The following RPS6KC1 variants were observed in gnomAD, a reference collection of about 807,000 sequenced individuals.
The protein encoded by RPS6KC1 is ribosomal protein S6 kinase C1.
Under a neutral mutation model 103.8 loss-of-function variants are expected in RPS6KC1, and 54 were observed. The observed-to-expected ratio is 0.52, with a 90% confidence interval of 0.42 to 0.65. The LOEUF (loss-of-function observed/expected upper bound fraction) is 0.65. Among genes scored for constraint, RPS6KC1 ranks in the 30% least tolerant of loss-of-function variants. The pLI is 0.00. For synonymous variants in RPS6KC1, 439 were observed against 438.7 expected, an observed-to-expected ratio of 1.00 and a Z score of -0.01; for missense variants, 1,151 against 1,253.8, an observed-to-expected ratio of 0.92 and a Z score of 1.24.
the RPS6KC1 span, among the ~76,000 whole-genome samples, chr1:213,708,628 TG>T: frequency 6.6e-6 from 1 of 152,290 alleles, no homozygotes; most frequent in East Asian, 1.9e-4. Flanking sequence ...TGTCCTGTGC[TG>T]GTTTTTAAAC....
At chr1:213,417,869 C>A in the RPS6KC1 span, among the ~76,000 whole-genome samples, 2 of 152,250 alleles carry the variant, frequency 1.3e-5, no homozygotes, top group Admixed American at 1.3e-4. Context: ...TGTTGTTTCC[C>A]TGAACCTTAA....
At chr1:213,359,466 G>C in the RPS6KC1 span, among the ~76,000 whole-genome samples, 1 of 152,028 alleles carries the variant, frequency 6.6e-6, no homozygotes, top group Non-Finnish European at 1.5e-5. Context: ...AGGGGAGATG[G>C]GTCTCTTGAA....
At chr1:213,489,374 G>A in the RPS6KC1 span, among the ~76,000 whole-genome samples, 2 of 152,216 alleles carry the variant, frequency 1.3e-5, no homozygotes, top group African/African-American at 4.8e-5. Flanking sequence ...TCCAATGGGA[G>A]TGGGGGTTGT....
chr1:213,789,567 C>G, the RPS6KC1 span, among the ~76,000 whole-genome samples: 3 of 152,118 alleles, frequency 2.0e-5, no homozygotes, highest in South Asian at 6.2e-4. Context: ...GTCAGCCCTT[C>G]CTAATCTTAG....
At chr1:213,306,007 A>C in the RPS6KC1 span, among the ~76,000 whole-genome samples, 2 of 152,180 alleles carry the variant, frequency 1.3e-5, no homozygotes, top group African/African-American at 2.4e-5. Flanking sequence ...TTTGGTAACA[A>C]CACCCAAATT....
the RPS6KC1 span, among the ~76,000 whole-genome samples, chr1:213,375,672 A>G: frequency 6.6e-6 from 1 of 152,144 alleles, no homozygotes; most frequent in Non-Finnish European, 1.5e-5. Context: ...ACCTAGGTAA[A>G]ATGGTGGCTT....
chr1:213,448,225 C>CAAAAAAAAAAAAAA, the RPS6KC1 span, among the ~76,000 whole-genome samples: 2 of 75,822 alleles, frequency 2.6e-5, no homozygotes, highest in African/African-American at 5.7e-5. Flanking sequence ...GTGAGACTGT[C>CAAAAAAAAAAAAAA]AAAAAAAAAA....
At chr1:213,831,144 T>C in the RPS6KC1 span, among the ~76,000 whole-genome samples, 8 of 152,324 alleles carry the variant, frequency 5.3e-5, no homozygotes, top group Non-Finnish European at 1.0e-4. Flanking sequence ...TCGTTCTCTC[T>C]GGTGGTAGGC....
the RPS6KC1 span, among the ~76,000 whole-genome samples, chr1:213,452,492 A>C: frequency 1.3e-5 from 2 of 151,752 alleles, no homozygotes; most frequent in Admixed American, 1.3e-4. Flanking sequence ...TCAAATTCTT[A>C]TTGCTTCTTG....
intron 12 of RPS6KC1, among the ~76,000 whole-genome samples, chr1:213,257,359 G>A (rs2094672303): frequency 6.6e-6 from 1 of 152,168 alleles, no homozygotes; most frequent in South Asian, 2.1e-4. Flanking sequence ...CAGTTTTAAC[G>A]AGGAACCTCA....
chr1:213,132,069 G>T (rs558052984), intron 6 of RPS6KC1, among the ~76,000 whole-genome samples: 1 of 152,306 alleles, frequency 6.6e-6, no homozygotes, highest in South Asian at 2.1e-4. Flanking sequence ...GAGAATTATA[G>T]ATGCATGTCA....
At chr1:213,800,771 G>A in the RPS6KC1 span, among the ~76,000 whole-genome samples, 1 of 152,216 alleles carries the variant, frequency 6.6e-6, no homozygotes, top group South Asian at 2.1e-4. Flanking sequence ...TTAAATCTGA[G>A]AGCATCAAAG....
the RPS6KC1 span, among the ~76,000 whole-genome samples, chr1:213,333,571 C>T: frequency 1.3e-5 from 2 of 152,158 alleles, no homozygotes; most frequent in Non-Finnish European, 2.9e-5. Context: ...GGGGACTGTT[C>T]CTAAGCTCTT....
chr1:213,560,158 C>T, the RPS6KC1 span, among the ~76,000 whole-genome samples: 21 of 152,116 alleles, frequency 1.4e-4, no homozygotes, highest in Admixed American at 8.5e-4. Context: ...CCCTGATATA[C>T]ACATACCTTC....
chr1:213,252,557 A>G (rs1209339582), intron 12 of RPS6KC1, among the ~76,000 whole-genome samples: 2 of 152,162 alleles, frequency 1.3e-5, no homozygotes, highest in Non-Finnish European at 2.9e-5. Flanking sequence ...AAGGTTTGTA[A>G]GAATTTGCCT....
chr1:213,169,839 T>C (rs2091329352), intron 7 of RPS6KC1, among the ~76,000 whole-genome samples: 1 of 150,570 alleles, frequency 6.6e-6, no homozygotes, highest in African/African-American at 2.5e-5. Flanking sequence ...TGGAGTGCAG[T>C]GGCGCGATCT....
At chr1:213,703,343 G>A in the RPS6KC1 span, among the ~76,000 whole-genome samples, 1 of 151,908 alleles carries the variant, frequency 6.6e-6, no homozygotes, top group Admixed American at 6.5e-5. Context: ...ATCTTTGAAT[G>A]GTTCATTATT....
chr1:213,602,112 C>CT, the RPS6KC1 span, among the ~76,000 whole-genome samples: 11 of 39,334 alleles, frequency 2.8e-4, no homozygotes, highest in African/African-American at 1.0e-3. Context: ...TTCTTTCTTT[C>CT]TTTCTTTCTC....
chr1:213,137,703 G>T (rs2086450721), intron 6 of RPS6KC1, among the ~76,000 whole-genome samples: 1 of 133,520 alleles, frequency 7.5e-6, no homozygotes, highest in Non-Finnish European at 1.6e-5. Context: ...TTTCTGTTTT[G>T]TTTGTTTGTT....
Sources: allele counts gnomAD v4.1 joint callset (sites outside exome capture counted in the v4.1 genomes callset), GRCh38; gene constraint gnomAD v4.1.1; transcripts MANE v1.5; gene names NCBI Gene and HGNC (gene_info 2026-07-23, HGNC 2026-07-21).